The following JAK1 variants were observed in gnomAD, a reference collection of about 807,000 sequenced individuals.
JAK1 encodes Janus kinase 1.
JAK1 carries 16 observed loss-of-function variants against 136.6 expected under a neutral mutation model. The observed-to-expected ratio is 0.12, with a 90% confidence interval of 0.08 to 0.18. The LOEUF (loss-of-function observed/expected upper bound fraction) is 0.18. JAK1 is among the 10% of genes least tolerant of loss of function. The pLI is 1.00. For synonymous variants in JAK1, 492 were observed against 519.5 expected (o/e 0.95, Z 0.72); for missense variants, 859 against 1,450.1 (o/e 0.59, Z 6.62).
At chr1:64,957,068 AC>A (rs1027528243) in intron 1 of JAK1, among the ~76,000 whole-genome samples, 2 of 152,208 alleles carry the variant, frequency 1.3e-5, no homozygotes, top group African/African-American at 4.8e-5. Flanking sequence ...GTCACTGGTG[AC>A]CTCAAGGAAG....
At chr1:64,983,095 G>A (rs951255180) in intron 2 of JAK1, among the ~76,000 whole-genome samples, 10 of 152,156 alleles carry the variant, frequency 6.6e-5, no homozygotes, top group African/African-American at 2.4e-4. Flanking sequence ...AAGGGTCTGA[G>A]ATGTGTAAGC....
At chr1:64,944,040 G>A (rs1645937042) in intron 1 of JAK1, among the ~76,000 whole-genome samples, 1 of 151,830 alleles carries the variant, frequency 6.6e-6, no homozygotes, top group South Asian at 2.1e-4. Context: ...GGCTAACACA[G>A]TGAAATCCCG....
chr1:65,050,700 C>T (rs1220484089), intron 1 of JAK1, among the ~76,000 whole-genome samples: 3 of 152,202 alleles, frequency 2.0e-5, no homozygotes, highest in African/African-American at 7.2e-5. Context: ...AAAAAGGCAA[C>T]AGTGGACAGG....
At chr1:64,835,689 C>A (rs886360013) in intron 23 of JAK1, among the ~76,000 whole-genome samples, 183 bp from the exon 24 acceptor site, 26 of 152,284 alleles carry the variant, frequency 1.7e-4, no homozygotes, top group African/African-American at 6.3e-4. Context: ...CTGTCTCTAA[C>A]CAGTGTCTTA....
intron 2 of JAK1, among the ~76,000 whole-genome samples, chr1:65,039,144 T>C (rs1647105290): frequency 6.6e-6 from 1 of 152,136 alleles, no homozygotes; most frequent in Non-Finnish European, 1.5e-5. Flanking sequence ...TTTGAGATAA[T>C]AGATGGGAAA....
chr1:64,894,753 G>C (rs1375745012), intron 1 of JAK1, among the ~76,000 whole-genome samples: 1 of 152,028 alleles, frequency 6.6e-6, no homozygotes. Context: ...CTCTAGCCTA[G>C]GTGTCAGAGC....
intron 2 of JAK1, among the ~76,000 whole-genome samples, chr1:64,976,206 T>G (rs1259515361): frequency 6.6e-6 from 1 of 152,214 alleles, no homozygotes; most frequent in African/African-American, 2.4e-5. Context: ...CCCAGCCTAT[T>G]AGAGGGTTGC....
intron 1 of JAK1, among the ~76,000 whole-genome samples, chr1:64,891,142 G>GA (rs146958141): frequency 0.073 from 10,765 of 147,802 alleles, 514 homozygotes; most frequent in Non-Finnish European, 0.11. Flanking sequence ...TCCAGTCAAG[G>GA]AAAAAAAAAA....
At chr1:64,928,202 G>A (rs1645616120) in intron 1 of JAK1, among the ~76,000 whole-genome samples, 2 of 152,186 alleles carry the variant, frequency 1.3e-5, no homozygotes, top group African/African-American at 4.8e-5. Flanking sequence ...TACAAAAACA[G>A]GGAGGGGTAG....
chr1:64,974,871 G>C (rs1646484207), intron 2 of JAK1, among the ~76,000 whole-genome samples: 1 of 151,936 alleles, frequency 6.6e-6, no homozygotes, highest in Non-Finnish European at 1.5e-5. Context: ...TTCTTTTTTT[G>C]TTTTGTTTTG....
chr1:64,894,151 C>T (rs565159933), intron 1 of JAK1, among the ~76,000 whole-genome samples: 2 of 152,206 alleles, frequency 1.3e-5, no homozygotes, highest in Admixed American at 6.5e-5. Context: ...CAGCCTCCAC[C>T]GGTCACCAGC....
chr1:64,863,367 G>A (rs952856086), intron 8 of JAK1, among the ~76,000 whole-genome samples: 1 of 151,574 alleles, frequency 6.6e-6, no homozygotes, highest in African/African-American at 2.4e-5. Context: ...TATCCAGGAT[G>A]CAGCATATAA....
Position 64,847,566 on chromosome 1 carries a change from T to C in JAK1, c.1865A>G (p.Lys622Arg). The change falls in exon 13 of 25, where the codon AAA (lysine) becomes AGA (arginine). Residue 622 changes from lysine (K) to arginine (R), a missense_variant. Transcript: ENST00000342505. ...ATCCCTGTGGCTGGGGTCTAAGACT[T>C]TGAGGATCACTTTTATCTTCTTCTC... ...SEEKKIKVIL[K>R]VLDPSHRDIS... 6.2e-7 allele frequency: 1 copy of C among 1,614,074 alleles called. No individual in the cohort carries two copies. Among genetic ancestry groups the C allele is most frequent in the Non-Finnish European group, 8.5e-7 (1 of 1,180,004 alleles).
intron 4 of JAK1, chr1:64,876,215 A>G (rs960969474): frequency 6.6e-6 from 1 of 152,148 alleles, no homozygotes; most frequent in East Asian, 1.9e-4. Context: ...CCCTGAGCCA[A>G]CGGAGCCACG....
intron 17 of JAK1, among the ~76,000 whole-genome samples, chr1:64,843,620 T>TA: frequency 6.6e-6 from 1 of 152,268 alleles, no homozygotes; most frequent in South Asian, 2.1e-4. Context: ...TACCATACCC[T>TA]AAGGCCCTCA....
At chr1:64,867,450 C>T (rs1656774954) in intron 6 of JAK1, among the ~76,000 whole-genome samples, 1 of 152,192 alleles carries the variant, frequency 6.6e-6, no homozygotes, top group African/African-American at 2.4e-5. Flanking sequence ...GGAATTGCTA[C>T]AAGTATTGCC....
At chr1:64,925,119 G>A (rs1645561203) in intron 1 of JAK1, among the ~76,000 whole-genome samples, 1 of 152,034 alleles carries the variant, frequency 6.6e-6, no homozygotes, top group Non-Finnish European at 1.5e-5. Context: ...GCTCTAGGCT[G>A]GGCGCAGTGG....
chr1:65,046,294 C>G (rs559153756), intron 1 of JAK1, among the ~76,000 whole-genome samples: 1 of 152,280 alleles, frequency 6.6e-6, no homozygotes, highest in African/African-American at 2.4e-5. Context: ...AATACCCCAC[C>G]TGCAGGCCCG....
At chr1:65,039,965 A>T (rs1647114658) in intron 2 of JAK1, among the ~76,000 whole-genome samples, 1 of 152,238 alleles carries the variant, frequency 6.6e-6, no homozygotes, top group Non-Finnish European at 1.5e-5. Flanking sequence ...CTGTAATCCC[A>T]GCACTTTGGG....
Sources: allele counts gnomAD v4.1 joint callset (sites outside exome capture counted in the v4.1 genomes callset), GRCh38; gene constraint gnomAD v4.1.1; transcripts MANE v1.5; gene names NCBI Gene and HGNC (gene_info 2026-07-23, HGNC 2026-07-21).